TCF25: variants seen among roughly 807,000 people sequenced by gnomAD.
TCF25 encodes the protein ribosome quality control complex subunit TCF25.
Under a neutral mutation model 83.1 loss-of-function variants are expected in TCF25, and 41 were observed. The ratio of observed to expected loss-of-function variants is 0.49; its 90% confidence interval spans 0.38 to 0.64. The LOEUF (loss-of-function observed/expected upper bound fraction) is 0.64, where lower values mean the gene tolerates loss of function less well. TCF25 is among the 30% of genes least tolerant of loss of function. TCF25 has a pLI of 0.00. For missense variants in TCF25, 979 were observed against 914.5 expected, an observed-to-expected ratio of 1.07 and a Z score of -0.91; for synonymous variants, 458 against 365.0, an observed-to-expected ratio of 1.25 and a Z score of -2.90.
intron 8 of TCF25, among the ~76,000 whole-genome samples, 184 bp downstream of exon 8, chr16:89,895,321 C>T (rs545838288): frequency 6.6e-6 from 1 of 152,294 alleles, no homozygotes; most frequent in African/African-American, 2.4e-5. Context: ...TAATATATGC[C>T]ACAGCCTCCC....
At chr16:89,901,548 A>G (rs2044335138) in intron 12 of TCF25, among the ~76,000 whole-genome samples, 1 of 130,008 alleles carries the variant, frequency 7.7e-6, no homozygotes, top group Admixed American at 7.6e-5. Flanking sequence ...GATCGAGACC[A>G]TCCTGACTAA....
chr16:89,898,185 G>T (rs1166107033), intron 9 of TCF25, among the ~76,000 whole-genome samples: 1 of 152,214 alleles, frequency 6.6e-6, no homozygotes, highest in African/African-American at 2.4e-5. Context: ...AGGACAAGGA[G>T]AGCGCACACC....
intron 11 of TCF25, 132 bp downstream of exon 11, chr16:89,899,004 T>A: frequency 1.2e-6 from 1 of 844,764 alleles, no homozygotes. Flanking sequence ...CAGAACCACG[T>A]CCTCCTGCCT....
chr16:89,908,562 A>C (rs1597394249), intron 16 of TCF25, among the ~76,000 whole-genome samples: 3 of 88,480 alleles, frequency 3.4e-5, no homozygotes, highest in African/African-American at 4.5e-5. Flanking sequence ...TCCAGTTCCC[A>C]CCTCTTTCCT....
chr16:89,905,373 A>G (rs1452528122), intron 14 of TCF25, among the ~76,000 whole-genome samples: 1 of 152,266 alleles, frequency 6.6e-6, no homozygotes, highest in Non-Finnish European at 1.5e-5. Context: ...GTGTTTCCAC[A>G]TGAGCTGTGA....
intron 16 of TCF25, chr16:89,909,108 G>A: frequency 7.8e-7 from 1 of 1,289,428 alleles, no homozygotes; most frequent in Non-Finnish European, 1.0e-6. Context: ...GTGGAAGCAG[G>A]TGTGCAGTGA....
intron 12 of TCF25, 26 bp downstream of exon 12, chr16:89,900,820 G>T: frequency 6.5e-7 from 1 of 1,541,244 alleles, no homozygotes; most frequent in Non-Finnish European, 8.9e-7. Flanking sequence ...GTCTCGCCTG[G>T]GGTAGGGGTG....
At chr16:89,897,217 C>A (rs936286496) in intron 9 of TCF25, among the ~76,000 whole-genome samples, 1 of 152,222 alleles carries the variant, frequency 6.6e-6, no homozygotes, top group African/African-American at 2.4e-5. Flanking sequence ...GACCCTCGCT[C>A]CCCTGTGCTG....
chr16:89,883,824 CTCCTAGCCGACCGCGCACGTGTGTCCT>C (rs1327427603), intron 2 of TCF25: 38 of 269,124 alleles, frequency 1.4e-4, no homozygotes, highest in African/African-American at 1.1e-3. Context: ...ACGTGTGTGC[CTCCTAGCCGACCGCGCACGTGTGTCCT>C]TCCTAACTGT....
intron 1 of TCF25, among the ~76,000 whole-genome samples, chr16:89,878,993 G>GA (rs1258108451): frequency 5.3e-5 from 8 of 152,224 alleles, no homozygotes; most frequent in Non-Finnish European, 1.2e-4. Context: ...CTGATGCATG[G>GA]CAGTAGAGAT....
intron 2 of TCF25, among the ~76,000 whole-genome samples, chr16:89,884,361 G>C (rs192207509): frequency 6.6e-6 from 1 of 152,274 alleles, no homozygotes; most frequent in Non-Finnish European, 1.5e-5. Context: ...TGTGAGGCTG[G>C]ACACAGAAGG....
In TCF25 at chr16:89,887,603, T is replaced by C. The variant is rs757733013; in HGVS notation, c.549-49T>C. 14 of 1,532,608 alleles carry C rather than the reference T, an allele frequency of 9.1e-6. No individual in the cohort carries two copies. In the African/African-American group the frequency reaches 2.0e-4, roughly 21 times the overall value. The allele number at this position is 1,532,608 out of a possible 1,614,324, so 94.9% of individuals were successfully genotyped here. A position where few individuals can be genotyped will look rare whatever the true frequency, so the allele number is the denominator to read the frequency against. On this transcript the variant is annotated intron_variant, in intron 4 of 17. Coordinates refer to ENST00000263346, the MANE Select transcript of TCF25 (RefSeq NM_014972.3). ...TGGCTTTCTGAAGCTTTTGGAATCG[T>C]CTTAGAACATAATTTCATGTTTTTT...
intron 5 of TCF25, among the ~76,000 whole-genome samples, chr16:89,888,787 C>G (rs576573485): frequency 6.7e-6 from 1 of 150,100 alleles, no homozygotes; most frequent in African/African-American, 2.4e-5. Flanking sequence ...GGCAATTCTG[C>G]CTCAGCCTCC....
chr16:89,880,382 G>A (rs898570124), intron 1 of TCF25, among the ~76,000 whole-genome samples: 3 of 152,170 alleles, frequency 2.0e-5, no homozygotes, highest in Admixed American at 1.3e-4. Context: ...TCAGGAGTTC[G>A]AGACCAGCCT....
chr16:89,878,832 G>A (rs1200938438), intron 1 of TCF25, among the ~76,000 whole-genome samples: 2 of 152,064 alleles, frequency 1.3e-5, no homozygotes, highest in Non-Finnish European at 2.9e-5. Flanking sequence ...TAGTAGAGAC[G>A]GGGTTTCACC....
intron 1 of TCF25, among the ~76,000 whole-genome samples, chr16:89,876,127 C>A (rs1484453912): frequency 1.3e-5 from 2 of 152,060 alleles, no homozygotes; most frequent in African/African-American, 4.8e-5. Context: ...TGTGGACTTT[C>A]TGGAGTGAGT....
chr16:89,898,565 A>C lies in TCF25; in HGVS notation c.1031A>C (p.Tyr344Ser). Residue 344 changes from tyrosine (Y) to serine (S), a missense_variant, in exon 10 of 18, where the codon TAC becomes TCC. Tyr to Ser is a moderately radical substitution (Grantham distance 144). Coordinates refer to ENST00000263346, the MANE Select transcript of TCF25 (RefSeq NM_014972.3). ...AACTATTTTGGATCTAGGAGCTTCT[A>C]CCTGGCCCTCTACAAGCAGATGAGC... ...DYRRPENRSF[Y>S]LALYKQMSFL... 3 of 1,598,854 alleles carry C rather than the reference A, an allele frequency of 1.9e-6. No homozygotes were observed. The highest frequency in any genetic ancestry group is 2.5e-6 in the Non-Finnish European group (3 of 1,176,738).
chr16:89,875,605 C>G (rs1450462724), intron 1 of TCF25, among the ~76,000 whole-genome samples: 1 of 144,372 alleles, frequency 6.9e-6, no homozygotes, highest in African/African-American at 2.6e-5. Flanking sequence ...TCACTGCAAG[C>G]TCCGCCTCCT....
In TCF25 at chr16:89,893,862, C is replaced by T. The variant is rs748801705; in HGVS notation, c.828+4C>T. ...TATGGAGCCGAACAACATCGTGGTG[C>T]GTGGTCCCTGCAGCCCCTGACAGGA... On this transcript the variant is annotated splice_donor_region_variant and intron_variant, in intron 7 of 17. Coordinates refer to ENST00000263346, the MANE Select transcript of TCF25 (RefSeq NM_014972.3). 8.8e-6 allele frequency: 14 copies of T among 1,599,364 alleles called. No homozygotes were observed. The highest frequency in any genetic ancestry group is 5.4e-5 in the African/African-American group (4 of 74,398).
Sources: gnomAD v4.1 joint callset for allele counts (sites outside exome capture counted in the v4.1 genomes callset) on GRCh38, gnomAD v4.1.1 for gene constraint, MANE v1.5 for transcripts, NCBI Gene and HGNC (gene_info 2026-07-23, HGNC 2026-07-21) for gene names.